SLC39A11: variants seen among roughly 807,000 people sequenced by gnomAD.
SLC39A11 encodes zinc transporter ZIP11.
A neutral mutation model predicts 36.1 loss-of-function variants in SLC39A11; 33 were observed. The observed-to-expected ratio is 0.91, with a 90% CI of 0.69 to 1.22. SLC39A11 has a LOEUF of 1.22. SLC39A11 is among the 50% of genes most tolerant of loss of function. The probability of loss-of-function intolerance (pLI) is 0.00; values close to 1 mark genes in which losing one functional copy is unlikely to be tolerated. For missense variants in SLC39A11, 432 were observed against 430.3 expected, an observed-to-expected ratio of 1.00 and a Z score of -0.03; for synonymous variants, 166 against 170.3, an observed-to-expected ratio of 0.97 and a Z score of 0.20.
At chr17:72,849,079 GA>G (rs1440708682) in intron 6 of SLC39A11, among the ~76,000 whole-genome samples, 4 of 116,048 alleles carry the variant, frequency 3.4e-5, no homozygotes, top group African/African-American at 1.1e-4. Flanking sequence ...TGTTATTAAG[GA>G]ATTCATAAGA....
At chr17:72,729,405 T>TTATATATATATATA (rs1162603035) in intron 7 of SLC39A11, among the ~76,000 whole-genome samples, 2 of 29,222 alleles carry the variant, frequency 6.8e-5, no homozygotes, top group Non-Finnish European at 1.4e-4. Context: ...ACCTGGCTAT[T>TTATATATATATATA]TATATATATA....
intron 7 of SLC39A11, among the ~76,000 whole-genome samples, chr17:72,711,937 T>C (rs9903163): frequency 0.017 from 2,620 of 152,278 alleles, 64 homozygotes; most frequent in African/African-American, 0.056. Context: ...GCTTTCTAGA[T>C]TGATGGAAAG....
intron 7 of SLC39A11, among the ~76,000 whole-genome samples, chr17:72,704,097 T>C (rs1037274528): frequency 1.2e-4 from 19 of 152,226 alleles, no homozygotes; most frequent in Admixed American, 1.2e-3. Flanking sequence ...CACTGTACTC[T>C]AGCCTGGACG....
chr17:72,711,313 G>C (rs2073096491), intron 7 of SLC39A11, among the ~76,000 whole-genome samples: 1 of 152,206 alleles, frequency 6.6e-6, no homozygotes, highest in African/African-American at 2.4e-5. Flanking sequence ...AAATGTGAAG[G>C]GGAAAAGACG....
chr17:72,714,371 AAATT>A (rs1213681560), intron 7 of SLC39A11, among the ~76,000 whole-genome samples: 1 of 146,962 alleles, frequency 6.8e-6, no homozygotes, highest in Non-Finnish European at 1.5e-5. Flanking sequence ...CTCAAAAAAA[AAATT>A]AATAAAAATA....
chr17:73,027,406 T>C (rs2058595428), intron 4 of SLC39A11, among the ~76,000 whole-genome samples: 1 of 152,162 alleles, frequency 6.6e-6, no homozygotes, highest in Non-Finnish European at 1.5e-5. Context: ...TAAGACGCCA[T>C]TTGGCAAAGT....
intron 5 of SLC39A11, among the ~76,000 whole-genome samples, chr17:72,937,837 C>G (rs1322181283): frequency 6.6e-6 from 1 of 152,190 alleles, no homozygotes; most frequent in East Asian, 1.9e-4. Flanking sequence ...GGGAATAGAG[C>G]AGAGACTTCT....
chr17:72,878,935 C>T (rs1329543131), intron 5 of SLC39A11, among the ~76,000 whole-genome samples: 1 of 152,268 alleles, frequency 6.6e-6, no homozygotes, highest in East Asian at 1.9e-4. Context: ...GGGGTTCACA[C>T]TAGACCTTCC....
chr17:72,802,444 G>T (rs551162370), intron 6 of SLC39A11, among the ~76,000 whole-genome samples: 1 of 151,942 alleles, frequency 6.6e-6, no homozygotes, highest in African/African-American at 2.4e-5. Context: ...ACAAAAATTA[G>T]CTGGGCACGG....
intron 7 of SLC39A11, among the ~76,000 whole-genome samples, chr17:72,685,349 T>A (rs1417767006): frequency 1.3e-5 from 2 of 152,264 alleles, no homozygotes; most frequent in Non-Finnish European, 2.9e-5. Flanking sequence ...GCAACTGAAA[T>A]TGAGATCTGA....
At chr17:72,820,598 T>G (rs2077738764) in intron 6 of SLC39A11, among the ~76,000 whole-genome samples, 1 of 151,124 alleles carries the variant, frequency 6.6e-6, no homozygotes, top group South Asian at 2.1e-4. Context: ...CCCATGCTCT[T>G]GTCAGGAAAA....
At chr17:72,821,260 T>C (rs974070081) in intron 6 of SLC39A11, among the ~76,000 whole-genome samples, 1 of 150,482 alleles carries the variant, frequency 6.6e-6, no homozygotes, top group Non-Finnish European at 1.5e-5. Flanking sequence ...CTCAGCACTT[T>C]GGGAGGCTGA....
At chr17:72,967,604 C>A (rs1389632926) in intron 4 of SLC39A11, among the ~76,000 whole-genome samples, 3 of 152,120 alleles carry the variant, frequency 2.0e-5, no homozygotes, top group Non-Finnish European at 4.4e-5. Context: ...GAAAAATAAT[C>A]CGTGACGAAA....
At chr17:73,088,979 C>T (rs34207139) in intron 1 of SLC39A11, among the ~76,000 whole-genome samples, 18,901 of 152,132 alleles carry the variant, frequency 0.12, 1,520 homozygotes, top group Non-Finnish European at 0.17. Flanking sequence ...AACTGGAAAT[C>T]GTCTTAATCT....
chr17:72,677,949 C>T (rs115500839), intron 7 of SLC39A11, among the ~76,000 whole-genome samples: 2,852 of 152,272 alleles, frequency 0.019, 88 homozygotes, highest in African/African-American at 0.063. Flanking sequence ...CCAGTGCTCC[C>T]GTGTTCTCCT....
At chr17:72,740,642 G>A (rs1348112727) in intron 6 of SLC39A11, among the ~76,000 whole-genome samples, 2 of 152,168 alleles carry the variant, frequency 1.3e-5, no homozygotes, top group Admixed American at 6.5e-5. Flanking sequence ...CAAGGTTTAC[G>A]ATATTGCACT....
chr17:72,994,022 C>T (rs941326750), intron 4 of SLC39A11, among the ~76,000 whole-genome samples: 1 of 152,134 alleles, frequency 6.6e-6, no homozygotes, highest in African/African-American at 2.4e-5. Flanking sequence ...TGTATTTTTC[C>T]ATATGAACTA....
chr17:72,716,575 A>T (rs949033461), intron 7 of SLC39A11, among the ~76,000 whole-genome samples: 1 of 151,784 alleles, frequency 6.6e-6, no homozygotes, highest in Non-Finnish European at 1.5e-5. Context: ...TAAGGAAAAA[A>T]AAAATCGGAA....
At chr17:72,828,111 G>A (rs571243608) in intron 6 of SLC39A11, among the ~76,000 whole-genome samples, 57 of 152,306 alleles carry the variant, frequency 3.7e-4, no homozygotes, top group South Asian at 2.1e-3. Context: ...TACATGCTAT[G>A]GTAGGAAATT....
Sources: gnomAD v4.1 joint callset for allele counts (sites outside exome capture counted in the v4.1 genomes callset) on GRCh38, gnomAD v4.1.1 for gene constraint, MANE v1.5 for transcripts, NCBI Gene and HGNC (gene_info 2026-07-23, HGNC 2026-07-21) for gene names.